Variants in PEAK1 observed in about 807,000 individuals in gnomAD.
PEAK1 encodes pseudopodium enriched atypical kinase 1.
PEAK1 carries 54 observed loss-of-function variants against 124.7 expected under a neutral mutation model. The ratio of observed to expected loss-of-function variants is 0.43; its 90% CI spans 0.35 to 0.54. PEAK1 has a LOEUF of 0.54. Among genes scored for constraint, PEAK1 ranks in the 20% least tolerant of loss-of-function variants. The pLI, the probability that PEAK1 is intolerant of heterozygous loss-of-function variation, is 0.01. For missense variants in PEAK1, 2,046 were observed against 2,134.5 expected, an observed-to-expected ratio of 0.96 and a Z score of 0.82; for synonymous variants, 719 against 760.0, an observed-to-expected ratio of 0.95 and a Z score of 0.89.
chr15:77,153,155 C>T (rs1011855092), intron 8 of PEAK1, among the ~76,000 whole-genome samples: 1 of 152,122 alleles, frequency 6.6e-6, no homozygotes, highest in African/African-American at 2.4e-5. Context: ...TGATTATTGC[C>T]ACAATTTCAG....
At chr15:77,383,100 T>C (rs997962646) in intron 1 of PEAK1, among the ~76,000 whole-genome samples, 1 of 149,490 alleles carries the variant, frequency 6.7e-6, no homozygotes, top group African/African-American at 2.5e-5. Flanking sequence ...CTCAACTCAC[T>C]GCAACCTCCG....
Position 77,367,176 on chromosome 15 carries a change from A to C in PEAK1, c.-665-1951T>G, listed in dbSNP as rs145528610. Among the ~76,000 whole-genome samples the C allele has an allele frequency of 4.8e-3, 727 of 152,322 alleles. 4 individuals carry two copies. The highest frequency in any genetic ancestry group is 0.016 in the African/African-American group (673 of 41,568). ...AACTAAAAGTACAAATGATTTGCTAAATAAGCTAGAATATTAAGCAATCAT... is the reference window on the plus strand; with the variant it reads ...AACTAAAAGTACAAATGATTTGCTACATAAGCTAGAATATTAAGCAATCAT... On this transcript the variant is annotated intron_variant, in intron 1 of 9. Coordinates refer to ENST00000682557, the MANE Select transcript of PEAK1 (RefSeq NM_001385026.1).
chr15:77,330,690 CT>C (rs1348234109), intron 2 of PEAK1, among the ~76,000 whole-genome samples: 6 of 152,156 alleles, frequency 3.9e-5, no homozygotes, highest in South Asian at 2.1e-4. Flanking sequence ...TTCTTCAGGT[CT>C]TTATTCAAAT....
rs571845905 is a variant in PEAK1, at chr15:77,225,645, G to T, written c.-115+26722C>A. Among the ~76,000 whole-genome samples the T allele has an allele frequency of 3.5e-4, 43 of 123,892 alleles. No individual in the cohort carries two copies. The Middle Eastern group carries it at 0.016, about 45-fold the overall frequency. The allele number at this position is 123,892 out of a possible 152,430, so 81.3% of individuals were successfully genotyped here. On this transcript the variant is annotated intron_variant, in intron 6 of 9. Coordinates refer to ENST00000682557, the MANE Select transcript of PEAK1 (RefSeq NM_001385026.1). ...TTTCTACAGATGTGTGTGTGTGTGTGTGTGTGTGTGTGTGTATAATTTATA... is the reference window on the plus strand; with the variant it reads ...TTTCTACAGATGTGTGTGTGTGTGTTTGTGTGTGTGTGTGTATAATTTATA...
At chr15:77,333,476 A>G (rs1434466970) in intron 2 of PEAK1, 1 of 907,016 alleles carries the variant, frequency 1.1e-6, no homozygotes, top group African/African-American at 1.8e-5. Flanking sequence ...CTTATCTAAG[A>G]ATAAATATTT....
chr15:77,107,297 C>T (rs911226907), downstream of PEAK1: 5 of 152,286 alleles, frequency 3.3e-5, no homozygotes, highest in Admixed American at 2.0e-4. Flanking sequence ...GCTGTTGACC[C>T]TTCCTCCTGG....
chr15:77,176,868 C>T (rs765877620), intron 7 of PEAK1, among the ~76,000 whole-genome samples: 14 of 152,172 alleles, frequency 9.2e-5, no homozygotes, highest in African/African-American at 1.4e-4. Flanking sequence ...AGGAATGACA[C>T]CATGTAAGAA....
intron 9 of PEAK1, among the ~76,000 whole-genome samples, chr15:77,122,391 T>C (rs1426448561): frequency 6.6e-6 from 1 of 152,156 alleles, no homozygotes; most frequent in African/African-American, 2.4e-5. Context: ...CCAATGAAAA[T>C]AACTTGTGTT....
intron 2 of PEAK1, among the ~76,000 whole-genome samples, chr15:77,314,127 T>C (rs1351789405): frequency 6.6e-6 from 1 of 152,126 alleles, no homozygotes; most frequent in African/African-American, 2.4e-5. Flanking sequence ...AGTATTTTTC[T>C]GTGACCATCA....
chr15:77,146,095 A>G (rs2054156590), intron 8 of PEAK1, among the ~76,000 whole-genome samples: 1 of 152,220 alleles, frequency 6.6e-6, no homozygotes, highest in South Asian at 2.1e-4. Flanking sequence ...CCACTAGTGC[A>G]TAGCGGGGAA....
intron 2 of PEAK1, chr15:77,350,262 C>A: frequency 1.0e-6 from 1 of 985,380 alleles, no homozygotes; most frequent in Non-Finnish European, 1.2e-6. Flanking sequence ...ACCACTCACA[C>A]TAATTTCATA....
At chr15:77,226,773 A>T (rs2059695722) in intron 6 of PEAK1, among the ~76,000 whole-genome samples, 1 of 152,166 alleles carries the variant, frequency 6.6e-6, no homozygotes, top group African/African-American at 2.4e-5. Flanking sequence ...ACCACTTAAC[A>T]TATGCCAGGC....
intron 1 of PEAK1, among the ~76,000 whole-genome samples, chr15:77,384,991 G>A (rs927805711): frequency 6.6e-6 from 1 of 152,166 alleles, no homozygotes; most frequent in Non-Finnish European, 1.5e-5. Context: ...AAAGGTGAAA[G>A]AGTGCTTACA....
At chr15:77,265,775 T>A (rs1369678166) in intron 5 of PEAK1, among the ~76,000 whole-genome samples, 1 of 152,026 alleles carries the variant, frequency 6.6e-6, no homozygotes, top group African/African-American at 2.4e-5. Flanking sequence ...CAAAGGACTA[T>A]AAATCATGCT....
At chr15:77,297,828 G>A (rs2063565852) in intron 2 of PEAK1, among the ~76,000 whole-genome samples, 1 of 150,484 alleles carries the variant, frequency 6.6e-6, no homozygotes, top group Non-Finnish European at 1.5e-5. Context: ...GGAGGCCGAG[G>A]CGGGTGGATC....
At chr15:77,217,921 G>T (rs374687242) in intron 6 of PEAK1, among the ~76,000 whole-genome samples, 1 of 152,082 alleles carries the variant, frequency 6.6e-6, no homozygotes, top group Admixed American at 6.5e-5. Flanking sequence ...TTTTCCAAAT[G>T]TGTATTGCAA....
At chr15:77,167,691 C>T (rs2056201864) in intron 7 of PEAK1, among the ~76,000 whole-genome samples, 1 of 152,190 alleles carries the variant, frequency 6.6e-6, no homozygotes, top group Non-Finnish European at 1.5e-5. Flanking sequence ...CATGAAAAGA[C>T]AACTTTGATA....
intron 6 of PEAK1, among the ~76,000 whole-genome samples, chr15:77,231,854 T>C (rs1335823711): frequency 6.6e-6 from 1 of 152,226 alleles, no homozygotes; most frequent in African/African-American, 2.4e-5. Flanking sequence ...TACTGAAGTC[T>C]TGATAATCAG....
intron 2 of PEAK1, among the ~76,000 whole-genome samples, chr15:77,338,643 A>AT (rs2066347603): frequency 3.1e-5 from 4 of 129,164 alleles, no homozygotes; most frequent in South Asian, 2.4e-4. Flanking sequence ...TTAAAAAAAA[A>AT]AATATATATA....
Sources: allele counts gnomAD v4.1 joint callset (sites outside exome capture counted in the v4.1 genomes callset), GRCh38; gene constraint gnomAD v4.1.1; transcripts MANE v1.5; gene names NCBI Gene and HGNC (gene_info 2026-07-23, HGNC 2026-07-21).